CRISP2: variants seen among roughly 807,000 people sequenced by gnomAD.
CRISP2 encodes the protein cysteine rich secretory protein 2.
A neutral mutation model predicts 31.7 loss-of-function variants in CRISP2; 29 were observed. The observed-to-expected ratio is 0.92, with a 90% CI of 0.68 to 1.25. The LOEUF (loss-of-function observed/expected upper bound fraction) is 1.25, where lower values mean the gene tolerates loss of function less well. Ranked by LOEUF, CRISP2 falls within the 50% of genes most tolerant of loss-of-function variation. The pLI is 0.00. For synonymous variants in CRISP2, 111 were observed against 101.4 expected (o/e 1.09, Z -0.57); for missense variants, 318 against 286.5 (o/e 1.11, Z -0.79).
the CRISP2 span, among the ~76,000 whole-genome samples, chr6:49,683,663 CAAAAAAAAAAAAAAAAAAA>C: frequency 1.1e-4 from 2 of 18,512 alleles, no homozygotes; most frequent in Non-Finnish European, 2.1e-4. Flanking sequence ...GACTCCATTT[CAAAAAAAAAAAAAAAAAAA>C]AAAAAAAAAA....
intron 4 of CRISP2, among the ~76,000 whole-genome samples, chr6:49,701,498 G>A (rs866896744): frequency 1.3e-4 from 8 of 62,052 alleles, no homozygotes; most frequent in South Asian, 5.4e-4. Flanking sequence ...GTGTGTGTGT[G>A]TGTATATATA....
chr6:49,694,976 C>T (rs557967245), intron 9 of CRISP2, among the ~76,000 whole-genome samples: 2 of 152,078 alleles, frequency 1.3e-5, no homozygotes, highest in East Asian at 3.9e-4. Flanking sequence ...TTGTGATCCG[C>T]CCACCTCTGC....
downstream of CRISP2, among the ~76,000 whole-genome samples, chr6:49,687,946 C>A (rs1475962048): frequency 6.6e-6 from 1 of 152,122 alleles, no homozygotes; most frequent in Non-Finnish European, 1.5e-5. Context: ...CATGGCGTAA[C>A]AAATAAACAA....
the CRISP2 span, among the ~76,000 whole-genome samples, chr6:49,683,218 C>T: frequency 6.7e-6 from 1 of 150,098 alleles, no homozygotes; most frequent in Non-Finnish European, 1.5e-5. Flanking sequence ...GCAGTGTATA[C>T]AATACAGCAC....
chr6:49,694,600 T>C (rs1764431404), intron 9 of CRISP2, among the ~76,000 whole-genome samples: 1 of 152,160 alleles, frequency 6.6e-6, no homozygotes, highest in Admixed American at 6.5e-5. Flanking sequence ...CCCTCTGTGT[T>C]ACCTAGGGTT....
At position 49,709,125 on chromosome 6, in the gene CRISP2, C is replaced by T. The variant is rs114507483; in HGVS notation, c.66+6G>A. 66 of 1,613,272 alleles carry T rather than the reference C, an allele frequency of 4.1e-5. No individual in the cohort carries two copies. The East Asian group carries it at 1.3e-3, about 32-fold the overall frequency. ...GCTCTGAAAAGATTTTCCATTTTAA[C>T]CTTACCTTTCCTTCTGCAGGTAAAG... On this transcript the variant is annotated splice_donor_region_variant and intron_variant, in intron 4 of 9. Coordinates refer to ENST00000339139, the MANE Select transcript of CRISP2 (RefSeq NM_003296.4).
intron 4 of CRISP2, among the ~76,000 whole-genome samples, chr6:49,701,109 G>A (rs930897528): frequency 2.6e-5 from 4 of 152,020 alleles, no homozygotes; most frequent in African/African-American, 9.7e-5. Flanking sequence ...GGCCACAAAT[G>A]CCGATTTCTG....
chr6:49,686,178 G>A, the CRISP2 span, among the ~76,000 whole-genome samples: 674 of 152,214 alleles, frequency 4.4e-3, 10 homozygotes, highest in African/African-American at 0.015. Flanking sequence ...CTGAAGATAC[G>A]TCCATATCAG....
intron 4 of CRISP2, among the ~76,000 whole-genome samples, chr6:49,702,248 G>A (rs1766209575): frequency 7.0e-6 from 1 of 143,704 alleles, no homozygotes; most frequent in African/African-American, 2.6e-5. Context: ...TTGCAATTGT[G>A]AATTGTACTG....
chr6:49,682,913 C>T, the CRISP2 span, among the ~76,000 whole-genome samples: 1 of 151,442 alleles, frequency 6.6e-6, no homozygotes, highest in Non-Finnish European at 1.5e-5. Context: ...AATCTCAGCA[C>T]TTTGTGAGGC....
chr6:49,686,979 C>A, the CRISP2 span, among the ~76,000 whole-genome samples: 1 of 151,932 alleles, frequency 6.6e-6, no homozygotes, highest in African/African-American at 2.4e-5. Context: ...CGTATGTTCT[C>A]ACTCATAGGT....
chr6:49,686,621 C>T, the CRISP2 span, among the ~76,000 whole-genome samples: 6 of 152,152 alleles, frequency 3.9e-5, no homozygotes, highest in Admixed American at 2.0e-4. Context: ...TAAACTAGTT[C>T]GACCATTGTA....
the CRISP2 span, among the ~76,000 whole-genome samples, chr6:49,678,679 G>A: frequency 1.6e-3 from 248 of 152,166 alleles, 2 homozygotes; most frequent in African/African-American, 5.4e-3. Context: ...GCACTCATGT[G>A]TTTTACCATT....
chr6:49,701,667 A>G (rs1178992658), intron 4 of CRISP2, among the ~76,000 whole-genome samples: 1 of 127,302 alleles, frequency 7.9e-6, no homozygotes, highest in East Asian at 2.2e-4. Context: ...ATATATGTAT[A>G]CATTATATAT....
intron 4 of CRISP2, among the ~76,000 whole-genome samples, chr6:49,705,566 C>T (rs571989577): frequency 1.3e-5 from 2 of 152,248 alleles, no homozygotes; most frequent in East Asian, 3.9e-4. Flanking sequence ...TGCACTTGGT[C>T]AAAATTATTA....
chr6:49,698,539 TA>T, intron 6 of CRISP2, 32 bp from the exon 7 acceptor site: 7 of 1,575,268 alleles, frequency 4.4e-6, no homozygotes, highest in Non-Finnish European at 6.0e-6. Flanking sequence ...AGCAAGGTAA[TA>T]AACATGCAAT....
the CRISP2 span, among the ~76,000 whole-genome samples, chr6:49,676,948 C>T: frequency 3.3e-5 from 5 of 152,090 alleles, no homozygotes; most frequent in East Asian, 9.6e-4. Context: ...ATTATCATCT[C>T]ACAATGCCTT....
chr6:49,693,767 C>T (rs1272853965), intron 9 of CRISP2, among the ~76,000 whole-genome samples: 6 of 152,080 alleles, frequency 3.9e-5, no homozygotes, highest in African/African-American at 7.2e-5. Context: ...TATTTTTCAG[C>T]TTCAGGATTT....
chr6:49,707,331 G>C (rs1340569116), intron 4 of CRISP2, among the ~76,000 whole-genome samples: 1 of 152,138 alleles, frequency 6.6e-6, no homozygotes, highest in African/African-American at 2.4e-5. Context: ...TTTGAAGTCA[G>C]AGAAAGCTTC....
Sources: gnomAD v4.1 joint callset for allele counts (sites outside exome capture counted in the v4.1 genomes callset) on GRCh38, gnomAD v4.1.1 for gene constraint, MANE v1.5 for transcripts, NCBI Gene and HGNC (gene_info 2026-07-23, HGNC 2026-07-21) for gene names.